Variants in CISD2 observed in about 807,000 individuals in gnomAD.
CISD2 encodes CDGSH iron-sulfur domain-containing protein 2.
A neutral mutation model predicts 12.9 loss-of-function variants in CISD2; 1 was observed. That is an observed-to-expected ratio of 0.08 (90% CI 0.03 to 0.37). The LOEUF is 0.37. Ranked by LOEUF, CISD2 falls within the 10% of genes least tolerant of loss-of-function variation. CISD2 has a pLI of 0.99. For missense variants in CISD2, 97 were observed against 163.1 expected (o/e 0.59, Z 2.21); for synonymous variants, 50 against 60.6 (o/e 0.83, Z 0.81).
At chr4:102,879,305 A>G (rs547388953) in intron 1 of CISD2, among the ~76,000 whole-genome samples, 4 of 152,202 alleles carry the variant, frequency 2.6e-5, no homozygotes, top group South Asian at 4.1e-4. Context: ...TTTGTTTAAC[A>G]ATGAGAAATT....
At chr4:102,871,810 A>G (rs1196486167) in intron 1 of CISD2, among the ~76,000 whole-genome samples, 1 of 152,254 alleles carries the variant, frequency 6.6e-6, no homozygotes, top group Non-Finnish European at 1.5e-5. Flanking sequence ...TATGAAAATT[A>G]GAGCAAAAAA....
intron 1 of CISD2, among the ~76,000 whole-genome samples, chr4:102,881,323 A>AC (rs1733715754): frequency 2.0e-5 from 3 of 152,218 alleles, no homozygotes; most frequent in Non-Finnish European, 4.4e-5. Context: ...GTTAATGGGC[A>AC]CTATAGTACG....
intron 2 of CISD2, among the ~76,000 whole-genome samples, chr4:102,886,618 T>C (rs1733933584): frequency 6.6e-6 from 1 of 152,160 alleles, no homozygotes; most frequent in African/African-American, 2.4e-5. Flanking sequence ...TATTTATTCT[T>C]TATTTATTTT....
At chr4:102,869,318 A>T (rs1312665606) in intron 1 of CISD2, 131 bp downstream of exon 1, 2 of 1,287,542 alleles carry the variant, frequency 1.6e-6, no homozygotes, top group South Asian at 1.3e-5. Context: ...GCGCAGAGGA[A>T]GGTGGGCGCG....
At chr4:102,880,834 A>C (rs1057220049) in intron 1 of CISD2, among the ~76,000 whole-genome samples, 16 of 152,028 alleles carry the variant, frequency 1.1e-4, no homozygotes, top group African/African-American at 3.9e-4. Context: ...CTCTACTAAA[A>C]TACAAAAATT....
chr4:102,876,148 T>C (rs955158923), intron 1 of CISD2, among the ~76,000 whole-genome samples: 4 of 152,230 alleles, frequency 2.6e-5, no homozygotes, highest in African/African-American at 9.7e-5. Flanking sequence ...AGGGACCTTA[T>C]CTATTAGCCT....
chr4:102,869,491 C>A (rs2110389737), intron 1 of CISD2: 1 of 702,624 alleles, frequency 1.4e-6, no homozygotes, highest in East Asian at 2.7e-5. Flanking sequence ...TCTTTCATCT[C>A]CTGTCCTGCT....
intron 1 of CISD2, among the ~76,000 whole-genome samples, chr4:102,883,026 A>G (rs1733761297): frequency 6.6e-6 from 1 of 152,190 alleles, no homozygotes; most frequent in Admixed American, 6.5e-5. Flanking sequence ...GATTATAGGC[A>G]TGAGCCACCA....
rs1391516438 is a variant in CISD2, at chr4:102,891,292, C to T, written c.*3862C>T. ...AAGTTTGGTTATCTGATTTCTGCTT[C>T]TTAACAAATCACAAGTATCAAAAGG... On this transcript the variant is annotated 3_prime_UTR_variant, in exon 3 of 3. Transcript: ENST00000273986. 1 of 152,152 alleles carries T rather than the reference C, an allele frequency of 6.6e-6. No homozygotes were observed. The highest frequency in any genetic ancestry group is 1.5e-5 in the Non-Finnish European group (1 of 68,042). 9.4% of individuals were successfully genotyped at this position (152,152 alleles called of 1,614,324 possible).
chr4:102,875,383 C>T (rs540399195), intron 1 of CISD2, among the ~76,000 whole-genome samples: 99 of 152,334 alleles, frequency 6.5e-4, no homozygotes, highest in African/African-American at 2.3e-3. Flanking sequence ...GGTCTGTCTT[C>T]CATACTAAAT....
rs1560907635 is a variant in CISD2 at position 102,887,915 on chromosome 4, CTT to C, written c.*487_*488del. On this transcript the variant is annotated 3_prime_UTR_variant, in exon 3 of 3. Transcript: ENST00000273986. Reference sequence around the variant, plus strand: ...ACTTGTGTTTTCACAGAGATAGACTCTTTGCTTTATAGAGATTGTTGTGTATT... The same window carrying C: ...ACTTGTGTTTTCACAGAGATAGACTCTGCTTTATAGAGATTGTTGTGTATT... The C allele has an allele frequency of 6.3e-6, 1 of 158,050 alleles. No homozygotes were observed. The highest frequency in any genetic ancestry group is 2.4e-5 in the African/African-American group (1 of 41,474). 9.8% of individuals were successfully genotyped at this position (158,050 alleles called of 1,614,324 possible).
In CISD2 at chr4:102,889,899, G is replaced by C. The variant is rs549078128; in HGVS notation, c.*2469G>C. ...TAACTTGTAGAACTTGAGGATAAGT[G>C]GTAAAAGAAAAAAAAAAGTAACTTG... is the stretch of plus-strand genomic sequence containing the variant. On this transcript the variant is annotated 3_prime_UTR_variant, in exon 3 of 3. Transcript: ENST00000273986. 4.6e-5 allele frequency: 7 copies of C among 152,018 alleles called. No homozygotes were observed. Among genetic ancestry groups the C allele is most frequent in the African/African-American group, 1.7e-4 (7 of 41,490 alleles). 9.4% of individuals were successfully genotyped at this position (152,018 alleles called of 1,614,324 possible).
intron 1 of CISD2, among the ~76,000 whole-genome samples, chr4:102,874,207 T>C (rs1368994002): frequency 6.6e-6 from 1 of 151,372 alleles, no homozygotes; most frequent in Non-Finnish European, 1.5e-5. Flanking sequence ...CTGGAGACCA[T>C]TATCCTAAGG....
chr4:102,869,117 G>A lies in CISD2; in HGVS notation c.33G>A (p.Lys11=), dbSNP rs1248883461. The A allele has an allele frequency of 1.9e-6, 3 of 1,612,938 alleles. No individual in the cohort carries two copies. The highest frequency in any genetic ancestry group is 2.5e-6 in the Non-Finnish European group (3 of 1,179,580). Residue 11 remains lysine, a synonymous_variant, in exon 1 of 3, where the codon AAG becomes AAA. Transcript: ENST00000273986. ...TGGAGAGCGTGGCCCGTATCGTGAA[G>A]GTGCAGCTCCCTGCATATCTGAAGC... MVLESVARIV[K]VQLPAYLKRL...
At position 102,888,373 on chromosome 4, in the gene CISD2, T is replaced by C. The variant is rs1344289933; in HGVS notation, c.*943T>C. The C allele has an allele frequency of 6.6e-6, 1 of 152,184 alleles. No individual in the cohort carries two copies. Among genetic ancestry groups the C allele is most frequent in the African/African-American group, 2.4e-5 (1 of 41,442 alleles). 9.4% of individuals were successfully genotyped at this position (152,184 alleles called of 1,614,324 possible). On this transcript the variant is annotated 3_prime_UTR_variant, in exon 3 of 3. Coordinates refer to ENST00000273986, the MANE Select transcript of CISD2 (RefSeq NM_001008388.5). ...CACAGAAAGTCTTGCAGAACCCATA[T>C]GTAGAAAAGTTGGCCCTCCAGTTGA...
chr4:102,870,183 A>G (rs1733395958), intron 1 of CISD2, among the ~76,000 whole-genome samples: 1 of 152,254 alleles, frequency 6.6e-6, no homozygotes, highest in South Asian at 2.1e-4. Flanking sequence ...CTGACCTAAA[A>G]TACAGCAATC....
At chr4:102,876,387 G>A (rs1320879047) in intron 1 of CISD2, among the ~76,000 whole-genome samples, 5 of 152,190 alleles carry the variant, frequency 3.3e-5, no homozygotes, top group South Asian at 2.1e-4. Context: ...GACAGCTACT[G>A]TATTTGCATT....
rs1740391016 is a variant in CISD2, at chr4:102,892,218, C to A, written c.*4788C>A. On this transcript the variant is annotated 3_prime_UTR_variant, in exon 3 of 3. Transcript: ENST00000273986. ...AGACTACAGTCATGCTTCATCATGC[C>A]CGGCTAATTTTTTATTTTTCTAAGA... 1 of 151,966 alleles carries A rather than the reference C, an allele frequency of 6.6e-6. No individual in the cohort carries two copies. Among genetic ancestry groups the A allele is most frequent in the African/African-American group, 2.4e-5 (1 of 41,324 alleles). The allele number at this position is 151,966 out of a possible 1,614,324, so 9.4% of individuals were successfully genotyped here.
chr4:102,889,556 C>T lies in CISD2; in HGVS notation c.*2126C>T, dbSNP rs1734124637. On this transcript the variant is annotated 3_prime_UTR_variant, in exon 3 of 3. Transcript: ENST00000273986. The stretch of plus-strand genomic sequence containing the variant: ...ACCAACTTTGAATTTTGTCAAATAA[C>T]ATTGAAAATGAATTATCTCATAAAA... The T allele has an allele frequency of 6.6e-6, 1 of 152,258 alleles. No individual in the cohort carries two copies. The highest frequency in any genetic ancestry group is 1.5e-5 in the Non-Finnish European group (1 of 68,034). The allele number at this position is 152,258 out of a possible 1,614,324, so 9.4% of individuals were successfully genotyped here.
Sources: allele counts gnomAD v4.1 joint callset (sites outside exome capture counted in the v4.1 genomes callset), GRCh38; gene constraint gnomAD v4.1.1; transcripts MANE v1.5; gene names NCBI Gene and HGNC (gene_info 2026-07-23, HGNC 2026-07-21).